Variants in SNAP47 observed in about 807,000 individuals in gnomAD.
The protein encoded by SNAP47 is synaptosome associated protein 47.
In SNAP47, 20 loss-of-function variants were observed where a neutral mutation model predicts 31.4. That is an observed-to-expected ratio of 0.64 (90% CI 0.45 to 0.93). SNAP47 has a LOEUF of 0.93. SNAP47 is among the 40% of genes least tolerant of loss of function. The pLI is 0.00. For synonymous variants in SNAP47, 194 were observed against 213.4 expected, an observed-to-expected ratio of 0.91 and a Z score of 0.79; for missense variants, 492 against 528.5, an observed-to-expected ratio of 0.93 and a Z score of 0.68.
chr1:227,756,061 C>A (rs889584781), intron 2 of SNAP47, among the ~76,000 whole-genome samples: 2 of 152,210 alleles, frequency 1.3e-5, no homozygotes, highest in African/African-American at 4.8e-5. Context: ...AACATATAAA[C>A]CCAAGCTGTA....
intron 2 of SNAP47, among the ~76,000 whole-genome samples, chr1:227,750,866 C>T (rs1331739293): frequency 1.3e-5 from 2 of 152,194 alleles, no homozygotes; most frequent in South Asian, 4.1e-4. Context: ...TGTGTGGCCA[C>T]ATGGCATCAG....
chr1:227,738,183 A>G (rs1481101239), intron 1 of SNAP47, among the ~76,000 whole-genome samples: 2 of 152,126 alleles, frequency 1.3e-5, no homozygotes, highest in Non-Finnish European at 2.9e-5. Context: ...CGAAGATTAC[A>G]GGCGCGCACC....
chr1:227,768,618 A>G (rs1663588436), intron 4 of SNAP47, among the ~76,000 whole-genome samples: 1 of 152,194 alleles, frequency 6.6e-6, no homozygotes, highest in African/African-American at 2.4e-5. Flanking sequence ...TCCCGGCCTC[A>G]CTTAGTCATG....
chr1:227,758,847 G>A, intron 2 of SNAP47, 148 bp from the exon 3 acceptor site: 4 of 939,622 alleles, frequency 4.3e-6, no homozygotes, highest in Non-Finnish European at 6.1e-6. Flanking sequence ...AAGTCCCTGT[G>A]CCTCCTGCTT....
At chr1:227,773,287 A>C (rs1470351708) in intron 4 of SNAP47, among the ~76,000 whole-genome samples, 1 of 152,130 alleles carries the variant, frequency 6.6e-6, no homozygotes, top group Non-Finnish European at 1.5e-5. Context: ...AAGTTTCAAA[A>C]GTAAAAAATA....
At position 227,748,032 on chromosome 1, in the gene SNAP47, G is replaced by A. The variant is rs1662087665; in HGVS notation, c.296G>A (p.Arg99Lys). The stretch of plus-strand genomic sequence containing the variant: ...TTCAGCATCATCGAGCATTTCTGGA[G>A]GGAGCTGCTGCTGTCTCAGCCTGGA... ...VVFSIIEHFW[R>K]ELLLSQPGAV... Residue 99 changes from arginine (R) to lysine (K), a missense_variant, in exon 2 of 5, where the codon AGG (arginine) becomes AAG (lysine). Transcript: ENST00000617596. 1.2e-6 allele frequency: 2 copies of A among 1,614,214 alleles called. No homozygotes were observed. The highest frequency in any genetic ancestry group is 1.7e-6 in the Non-Finnish European group (2 of 1,180,024).
rs368684226 is a variant in SNAP47 at position 227,738,307 on chromosome 1, T to C, written c.-46+2808T>C. On this transcript the variant is annotated intron_variant, in intron 1 of 4. Transcript: ENST00000617596. ...TGCCCGACTCGGCCTCCCAAAGTGCTGGGATTACAGGCGTGAGCCACCGCA... is the reference window on the plus strand; with the variant it reads ...TGCCCGACTCGGCCTCCCAAAGTGCCGGGATTACAGGCGTGAGCCACCGCA... Among the ~76,000 whole-genome samples the C allele has an allele frequency of 7.9e-5, 12 of 152,318 alleles. No homozygotes were observed. In the South Asian group the frequency reaches 2.5e-3, roughly 32 times the overall value.
At chr1:227,754,165 G>T (rs1249876254) in intron 2 of SNAP47, among the ~76,000 whole-genome samples, 1 of 152,248 alleles carries the variant, frequency 6.6e-6, no homozygotes, top group African/African-American at 2.4e-5. Context: ...CCACTCAGTG[G>T]CCTGGGCTCT....
chr1:227,759,178 A>G lies in SNAP47; in HGVS notation c.681A>G (p.Pro227=), dbSNP rs138539313. The G allele has an allele frequency of 8.0e-5, 129 of 1,614,102 alleles. No individual in the cohort carries two copies. The highest frequency in any genetic ancestry group is 1.0e-4 in the Non-Finnish European group (121 of 1,180,062). The change falls in exon 3 of 5, where the codon CCA becomes CCG. Residue 227 remains proline (P), a synonymous_variant. Coordinates refer to ENST00000617596, the MANE Select transcript of SNAP47 (RefSeq NM_053052.4). The part of the protein sequence containing the change: ...ISHRTESHVK[P]GRLTVLVSGL... The stretch of plus-strand genomic sequence containing the variant: ...ACAGAACAGAGTCTCACGTTAAACC[A>G]GGGAGGCTCACCGTCCTTGTGTCTG...
At chr1:227,779,150 C>T (rs34238202) in intron 4 of SNAP47, among the ~76,000 whole-genome samples, 1,983 of 152,336 alleles carry the variant, frequency 0.013, 16 homozygotes, top group Non-Finnish European at 0.018. Context: ...TTTGTGATCT[C>T]ATGTGAGCCA....
upstream of SNAP47, chr1:227,732,971 CAT>C (rs533039741): frequency 1.9e-4 from 308 of 1,613,298 alleles, no homozygotes; most frequent in Non-Finnish European, 2.5e-4. Flanking sequence ...AGAAGCGCCA[CAT>C]GTTGGCCAGG....
chr1:227,758,609 C>T (rs148142321), intron 2 of SNAP47, among the ~76,000 whole-genome samples: 5 of 152,308 alleles, frequency 3.3e-5, no homozygotes, highest in Non-Finnish European at 2.9e-5. Context: ...ACAGCGCAGA[C>T]GTAGAACATT....
At position 227,747,998 on chromosome 1, in the gene SNAP47, A is replaced by G; in HGVS notation, c.262A>G (p.Asn88Asp). The change falls in exon 2 of 5, where the codon AAT becomes GAT. Residue 88 changes from asparagine (N) to aspartate (D), a missense_variant. Coordinates refer to ENST00000617596, the MANE Select transcript of SNAP47 (RefSeq NM_053052.4). ...HWFSSLRPSR[N>D]VVFSIIEHFW... ...GTTCAGCTCCCTGCGGCCAAGTCGA[A>G]ATGTGGTCTTCAGCATCATCGAGCA... 1 of 1,614,208 alleles carries G rather than the reference A, an allele frequency of 6.2e-7. No homozygotes were observed. Among genetic ancestry groups the G allele is most frequent in the Non-Finnish European group, 8.5e-7 (1 of 1,180,030 alleles).
chr1:227,733,267 C>T, upstream of SNAP47: 1 of 930,726 alleles, frequency 1.1e-6, no homozygotes, highest in Non-Finnish European at 1.6e-6. Flanking sequence ...AGAGGCTAGG[C>T]CTCAGCGACA....
intron 2 of SNAP47, among the ~76,000 whole-genome samples, chr1:227,749,452 A>G (rs1662201156): frequency 6.6e-6 from 1 of 152,140 alleles, no homozygotes; most frequent in African/African-American, 2.4e-5. Context: ...GCAGTGCCAC[A>G]TGGACTTGTG....
At chr1:227,728,857 C>G (rs1024023989) in intron 1 of SNAP47, 1 of 152,274 alleles carries the variant, frequency 6.6e-6, no homozygotes, top group Non-Finnish European at 1.5e-5. Context: ...CAGGCCCTGC[C>G]GCGGAGCCGA....
At chr1:227,743,194 T>G (rs1006298324) in intron 1 of SNAP47, among the ~76,000 whole-genome samples, 1 of 152,248 alleles carries the variant, frequency 6.6e-6, no homozygotes, top group African/African-American at 2.4e-5. Context: ...GGCCTCCTCC[T>G]GGTGGTGAGA....
intron 4 of SNAP47, 137 bp downstream of exon 4, chr1:227,767,220 C>A: frequency 1.5e-6 from 2 of 1,314,036 alleles, no homozygotes; most frequent in Non-Finnish European, 2.1e-6. Flanking sequence ...GAGCTGCTGG[C>A]CTCCACTCGG....
intron 2 of SNAP47, among the ~76,000 whole-genome samples, chr1:227,749,246 A>G (rs1662184109): frequency 6.6e-6 from 1 of 151,840 alleles, no homozygotes; most frequent in Non-Finnish European, 1.5e-5. Context: ...GGGCTGAGGT[A>G]TCACCCATGG....
Sources: gnomAD v4.1 joint callset for allele counts (sites outside exome capture counted in the v4.1 genomes callset) on GRCh38, gnomAD v4.1.1 for gene constraint, MANE v1.5 for transcripts, NCBI Gene and HGNC (gene_info 2026-07-23, HGNC 2026-07-21) for gene names.